The following ROBO1 variants were observed in gnomAD, a reference collection of about 807,000 sequenced individuals.
The protein encoded by ROBO1 is roundabout homolog 1.
In ROBO1, 149 loss-of-function variants were observed where a neutral mutation model predicts 195.9. The observed-to-expected ratio is 0.76, with a 90% CI of 0.67 to 0.87. The LOEUF is 0.87. ROBO1 is among the 40% of genes least tolerant of loss of function. ROBO1 has a pLI of 0.00. For synonymous variants in ROBO1, 816 were observed against 733.2 expected (o/e 1.11, Z -1.82); for missense variants, 1,933 against 2,068.3 (o/e 0.93, Z 1.27).
intron 3 of ROBO1, among the ~76,000 whole-genome samples, chr3:78,965,833 T>C (rs746631273): frequency 2.6e-5 from 4 of 152,234 alleles, no homozygotes; most frequent in Non-Finnish European, 5.9e-5. Flanking sequence ...TATAACTTTC[T>C]GCAATGATGA....
intron 2 of ROBO1, among the ~76,000 whole-genome samples, chr3:79,273,664 T>C (rs2030771740): frequency 6.6e-6 from 1 of 151,612 alleles, no homozygotes; most frequent in African/African-American, 2.4e-5. Context: ...TCCTTACTTA[T>C]CAATAATAAC....
intron 2 of ROBO1, among the ~76,000 whole-genome samples, chr3:79,348,841 A>G (rs2035232113): frequency 6.6e-6 from 1 of 152,220 alleles, no homozygotes; most frequent in South Asian, 2.1e-4. Flanking sequence ...AGAACATAGG[A>G]GGCTTAGAAG....
At chr3:79,168,693 T>G (rs2081113967) in intron 2 of ROBO1, among the ~76,000 whole-genome samples, 1 of 152,194 alleles carries the variant, frequency 6.6e-6, no homozygotes, top group African/African-American at 2.4e-5. Flanking sequence ...ATTTATTTAC[T>G]TAGTTAGGCA....
chr3:79,606,498 T>C (rs1285642510), intron 1 of ROBO1, among the ~76,000 whole-genome samples: 1 of 151,934 alleles, frequency 6.6e-6, no homozygotes, highest in African/African-American at 2.4e-5. Context: ...GGCTGGACTC[T>C]GACTCCTAGG....
intron 8 of ROBO1, among the ~76,000 whole-genome samples, chr3:78,692,153 TATC>T (rs2081189852): frequency 6.6e-6 from 1 of 152,096 alleles, no homozygotes; most frequent in Admixed American, 6.6e-5. Flanking sequence ...TTTTGTAAGG[TATC>T]ATATAGGAAC....
At chr3:79,685,584 A>C (rs1164926069) in intron 1 of ROBO1, among the ~76,000 whole-genome samples, 2 of 152,198 alleles carry the variant, frequency 1.3e-5, no homozygotes, top group Non-Finnish European at 2.9e-5. Context: ...GAAAACTGCC[A>C]AACAGGGCAG....
At chr3:79,111,667 C>A (rs1396514952) in intron 3 of ROBO1, among the ~76,000 whole-genome samples, 2 of 152,074 alleles carry the variant, frequency 1.3e-5, no homozygotes, top group Non-Finnish European at 2.9e-5. Context: ...GAAACCTGGA[C>A]AATATCTACA....
At chr3:79,199,526 G>T (rs969986611) in intron 2 of ROBO1, among the ~76,000 whole-genome samples, 9 of 151,620 alleles carry the variant, frequency 5.9e-5, no homozygotes, top group Non-Finnish European at 1.2e-4. Flanking sequence ...TGTTCCTGAT[G>T]ATTTATCTTC....
At chr3:78,718,033 GGTA>G (rs2108078373) in intron 5 of ROBO1, 150 bp from the exon 6 acceptor site, 1 of 726,662 alleles carries the variant, frequency 1.4e-6, no homozygotes, top group South Asian at 2.1e-5. Flanking sequence ...GCTATTTTTA[GGTA>G]GTACCCTTAA....
intron 28 of ROBO1, among the ~76,000 whole-genome samples, chr3:78,612,622 A>G (rs185466910): frequency 6.6e-6 from 1 of 152,388 alleles, no homozygotes; most frequent in East Asian, 1.9e-4. Context: ...AATAAGACAC[A>G]GCATTGTTAT....
At chr3:79,743,591 C>A (rs35754336) in intron 1 of ROBO1, among the ~76,000 whole-genome samples, 1 of 152,054 alleles carries the variant, frequency 6.6e-6, no homozygotes, top group Non-Finnish European at 1.5e-5. Flanking sequence ...CTTACTGAAA[C>A]TTTTTTCTTT....
intron 3 of ROBO1, among the ~76,000 whole-genome samples, chr3:79,009,968 G>A (rs1480940092): frequency 6.6e-6 from 1 of 152,100 alleles, no homozygotes; most frequent in Non-Finnish European, 1.5e-5. Flanking sequence ...TCCACAAACT[G>A]AACAGCACTG....
At chr3:79,687,697 G>A (rs1220230551) in intron 1 of ROBO1, among the ~76,000 whole-genome samples, 3 of 152,174 alleles carry the variant, frequency 2.0e-5, no homozygotes, top group South Asian at 4.2e-4. Flanking sequence ...GTAGAATGGT[G>A]ATCATTAAAA....
intron 26 of ROBO1, among the ~76,000 whole-genome samples, chr3:78,619,010 G>A (rs1704292221): frequency 6.6e-6 from 1 of 152,180 alleles, no homozygotes; most frequent in African/African-American, 2.4e-5. Context: ...CATGGGAGGA[G>A]AATGCTAAGA....
At chr3:79,537,941 C>T (rs1254830374) in intron 2 of ROBO1, among the ~76,000 whole-genome samples, 2 of 151,994 alleles carry the variant, frequency 1.3e-5, no homozygotes, top group African/African-American at 4.8e-5. Flanking sequence ...ACACTGATAG[C>T]TGATGAACTG....
intron 1 of ROBO1, among the ~76,000 whole-genome samples, chr3:79,728,773 C>G (rs1483044085): frequency 1.3e-5 from 2 of 152,046 alleles, no homozygotes; most frequent in South Asian, 4.1e-4. Context: ...CATGATTTTA[C>G]TCATTTTGTT....
At chr3:79,019,056 G>T (rs1001002521) in intron 3 of ROBO1, 3 of 989,656 alleles carry the variant, frequency 3.0e-6, no homozygotes, top group Non-Finnish European at 3.6e-6. Flanking sequence ...CGAGCGAGGG[G>T]GCGGTGCGGC....
Position 79,589,886 on chromosome 3 carries a change from A to G in ROBO1, c.26T>C (p.Leu9Ser), listed in dbSNP as rs200846416. The change falls in exon 2 of 31, where the codon TTG becomes TCG. Residue 9 changes from leucine to serine, a missense_variant. Transcript: ENST00000464233. ...TAAGCTGAGGAGTGATATCATGACCAAAAAAGGAACATGTTTCCATTTCAT... is the reference window on the plus strand; with the variant it reads ...TAAGCTGAGGAGTGATATCATGACCGAAAAAGGAACATGTTTCCATTTCAT... MKWKHVPF[L>S]VMISLLSLSP... 6 of 1,609,988 alleles carry G rather than the reference A, an allele frequency of 3.7e-6. No individual in the cohort carries two copies. In the Admixed American group the frequency reaches 1.0e-4, roughly 27 times the overall value.
intron 4 of ROBO1, among the ~76,000 whole-genome samples, chr3:78,854,259 T>C (rs1371596473): frequency 6.8e-6 from 1 of 148,086 alleles, no homozygotes; most frequent in Non-Finnish European, 1.5e-5. Flanking sequence ...ATATAATATA[T>C]ATATTATATA....
Sources: gnomAD v4.1 joint callset for allele counts (sites outside exome capture counted in the v4.1 genomes callset) on GRCh38, gnomAD v4.1.1 for gene constraint, MANE v1.5 for transcripts, NCBI Gene and HGNC (gene_info 2026-07-23, HGNC 2026-07-21) for gene names.